Variants in ARL15 observed in about 807,000 individuals in gnomAD.
ARL15 encodes ARF like GTPase 15.
In ARL15, 19 loss-of-function variants were observed where a neutral mutation model predicts 25.2. The observed-to-expected ratio is 0.75, with a 90% CI of 0.53 to 1.10. The LOEUF (loss-of-function observed/expected upper bound fraction) is 1.10. Ranked by LOEUF, ARL15 falls within the 50% of genes least tolerant of loss-of-function variation. The pLI is 0.00. For synonymous variants in ARL15, 94 were observed against 86.8 expected, an observed-to-expected ratio of 1.08 and a Z score of -0.46; for missense variants, 220 against 246.0, an observed-to-expected ratio of 0.89 and a Z score of 0.71.
intron 4 of ARL15, among the ~76,000 whole-genome samples, chr5:54,048,810 C>A (rs1266392885): frequency 5.4e-4 from 74 of 137,466 alleles, no homozygotes; most frequent in African/African-American, 1.9e-3. Flanking sequence ...AAAAAAAAAA[C>A]AACAGTCCGA....
At chr5:54,093,649 G>A (rs943209498) in intron 4 of ARL15, among the ~76,000 whole-genome samples, 5 of 150,044 alleles carry the variant, frequency 3.3e-5, no homozygotes, top group Non-Finnish European at 5.9e-5. Context: ...TTGAATGCTG[G>A]AGGTAATTTA....
chr5:54,011,429 G>A (rs1000734375), intron 4 of ARL15, among the ~76,000 whole-genome samples: 1 of 152,024 alleles, frequency 6.6e-6, no homozygotes, highest in Non-Finnish European at 1.5e-5. Flanking sequence ...TTTTGTTGTT[G>A]TTGTTGTTTT....
chr5:54,058,258 G>A (rs745871132), intron 4 of ARL15, among the ~76,000 whole-genome samples: 9 of 151,910 alleles, frequency 5.9e-5, no homozygotes, highest in Non-Finnish European at 1.0e-4. Flanking sequence ...TGCCCGCCTC[G>A]GCCTCCCAAA....
At chr5:53,904,699 G>A (rs1264890795) in intron 4 of ARL15, among the ~76,000 whole-genome samples, 1 of 150,372 alleles carries the variant, frequency 6.7e-6, no homozygotes, top group African/African-American at 2.4e-5. Flanking sequence ...TAGTACCATT[G>A]GTATGTTTAA....
intron 1 of ARL15, among the ~76,000 whole-genome samples, chr5:54,244,111 G>A (rs1305528957): frequency 6.6e-6 from 1 of 152,124 alleles, no homozygotes; most frequent in Non-Finnish European, 1.5e-5. Flanking sequence ...GTTTCCTTCA[G>A]CAATACAATT....
At chr5:54,086,080 A>C (rs1751955356) in intron 4 of ARL15, among the ~76,000 whole-genome samples, 1 of 151,800 alleles carries the variant, frequency 6.6e-6, no homozygotes, top group South Asian at 2.1e-4. Context: ...ACGCCTGGCT[A>C]ATTTTGTATT....
chr5:53,888,050 T>C (rs1416198998), intron 4 of ARL15, among the ~76,000 whole-genome samples: 1 of 151,984 alleles, frequency 6.6e-6, no homozygotes. Flanking sequence ...AAAGTCTCCT[T>C]ATCAATGTCT....
At chr5:53,905,824 C>T (rs1006509808) in intron 4 of ARL15, among the ~76,000 whole-genome samples, 1 of 152,096 alleles carries the variant, frequency 6.6e-6, no homozygotes, top group Non-Finnish European at 1.5e-5. Context: ...GTGTTAATAA[C>T]AAAACAATTC....
At chr5:54,122,587 C>T (rs192663623) in intron 3 of ARL15, among the ~76,000 whole-genome samples, 3 of 152,274 alleles carry the variant, frequency 2.0e-5, no homozygotes, top group Non-Finnish European at 4.4e-5. Flanking sequence ...AAAATTGGTA[C>T]TATTTTTTTC....
At chr5:53,918,491 C>T (rs1046088065) in intron 4 of ARL15, among the ~76,000 whole-genome samples, 3 of 152,024 alleles carry the variant, frequency 2.0e-5, no homozygotes, top group East Asian at 1.9e-4. Context: ...TGCTGCTAGC[C>T]GGAAATCAGA....
intron 3 of ARL15, among the ~76,000 whole-genome samples, chr5:54,138,616 G>A (rs1753674770): frequency 6.6e-6 from 1 of 151,874 alleles, no homozygotes; most frequent in Non-Finnish European, 1.5e-5. Flanking sequence ...CTAGGCAAAG[G>A]ATTTATGACT....
intron 4 of ARL15, among the ~76,000 whole-genome samples, chr5:53,946,657 G>A (rs963884352): frequency 2.0e-5 from 3 of 152,226 alleles, no homozygotes; most frequent in South Asian, 2.1e-4. Context: ...AAAAGGGATT[G>A]CATTGGAGGT....
At position 54,006,736 on chromosome 5, in the gene ARL15, C is replaced by T. The variant is rs564157704; in HGVS notation, c.462+106466G>A. Among the ~76,000 whole-genome samples the T allele has an allele frequency of 1.3e-4, 20 of 152,288 alleles. No individual in the cohort carries two copies. The East Asian group carries it at 3.7e-3, about 28-fold the overall frequency. ...GAATGGATAGGTTCCCTTTTCACTACATGCACCCTTCTATACCTTTTGAAT... is the reference window on the plus strand; with the variant it reads ...GAATGGATAGGTTCCCTTTTCACTATATGCACCCTTCTATACCTTTTGAAT... On this transcript the variant is annotated intron_variant, in intron 4 of 4. Coordinates refer to ENST00000504924, the MANE Select transcript of ARL15 (RefSeq NM_019087.3).
In ARL15 at chr5:54,090,960, T is replaced by C. The variant is rs564576890; in HGVS notation, c.462+22242A>G. ...ACAGATGTTTTATGGCTGAAAGGAA[T>C]GACTGAAAACACTGGTATTTTCTTA... On this transcript the variant is annotated intron_variant, in intron 4 of 4. Transcript: ENST00000504924. 4.0e-3 allele frequency among the ~76,000 whole-genome samples: 602 copies of C among 150,234 alleles called. 4 individuals are homozygous for C. Among genetic ancestry groups the C allele is most frequent in the South Asian group, 0.015 (73 of 4,734 alleles).
At chr5:53,976,390 G>A (rs1013522905) in intron 4 of ARL15, among the ~76,000 whole-genome samples, 2 of 152,238 alleles carry the variant, frequency 1.3e-5, no homozygotes, top group African/African-American at 4.8e-5. Flanking sequence ...ACATGAGCCA[G>A]AGTGGCTGGA....
At chr5:54,041,549 C>T (rs376030040) in intron 4 of ARL15, among the ~76,000 whole-genome samples, 12 of 152,296 alleles carry the variant, frequency 7.9e-5, no homozygotes, top group African/African-American at 2.9e-4. Context: ...TCTGAGTTAA[C>T]TACAGGCTCT....
intron 4 of ARL15, among the ~76,000 whole-genome samples, chr5:53,930,382 G>A (rs1015787493): frequency 6.6e-5 from 10 of 152,224 alleles, no homozygotes; most frequent in African/African-American, 2.4e-4. Flanking sequence ...GCTTGAATTT[G>A]GTATCACCAA....
chr5:54,068,063 A>G (rs1751300860), intron 4 of ARL15, among the ~76,000 whole-genome samples: 1 of 152,216 alleles, frequency 6.6e-6, no homozygotes, highest in African/African-American at 2.4e-5. Flanking sequence ...TTAATCTTCA[A>G]TAAAGAGCTG....
At position 54,187,702 on chromosome 5, in the gene ARL15, A is replaced by G. The variant is rs560301236; in HGVS notation, c.49-15774T>C. 4.6e-5 allele frequency among the ~76,000 whole-genome samples: 7 copies of G among 152,150 alleles called. No individual in the cohort carries two copies. In the East Asian group the frequency reaches 9.7e-4, roughly 21 times the overall value. On this transcript the variant is annotated intron_variant, in intron 1 of 4. Coordinates refer to ENST00000504924, the MANE Select transcript of ARL15 (RefSeq NM_019087.3). ...TACATGTATTCCCTTCTCCCTTTCT[A>G]TTTTCCTACTGATACATTATTACAT...
Sources: gnomAD v4.1 joint callset for allele counts (sites outside exome capture counted in the v4.1 genomes callset) on GRCh38, gnomAD v4.1.1 for gene constraint, MANE v1.5 for transcripts, NCBI Gene and HGNC (gene_info 2026-07-23, HGNC 2026-07-21) for gene names.